The following CYB5R2 variants were observed in gnomAD, a reference collection of about 807,000 sequenced individuals.
The protein encoded by CYB5R2 is NADH-cytochrome b5 reductase 2.
In CYB5R2, 35 loss-of-function variants were observed where a neutral mutation model predicts 29.8. The ratio of observed to expected loss-of-function variants is 1.17; its 90% CI spans 0.90 to 1.56. The LOEUF is 1.56. CYB5R2 is among the 40% of genes most tolerant of loss of function. The pLI is 0.00. For synonymous variants in CYB5R2, 169 were observed against 130.6 expected (o/e 1.29, Z -2.01); for missense variants, 419 against 346.7 (o/e 1.21, Z -1.66).
Position 7,668,503 on chromosome 11 carries a change from G to C in CYB5R2, c.447C>G (p.His149Gln). Reference protein sequence around the residue: ...TSEPKKTLADHLGMIAGGTGI... With the variant: ...TSEPKKTLADQLGMIAGGTGI... The stretch of plus-strand genomic sequence containing the variant: ...CTGTGCCCCCAGCAATCATTCCCAG[G>C]TGATCGGCCAGTGTTTTTTTAGGCT... The change falls in exon 6 of 9, where the codon CAC becomes CAG. Residue 149 changes from histidine (H) to glutamine (Q), a missense_variant. Transcript: ENST00000299498. 6.2e-7 allele frequency: 1 copy of C among 1,614,086 alleles called. No homozygotes were observed. The highest frequency in any genetic ancestry group is 8.5e-7 in the Non-Finnish European group (1 of 1,179,958).
intron 7 of CYB5R2, chr11:7,667,111 A>G (rs1032958175): frequency 2.0e-5 from 3 of 152,286 alleles, no homozygotes; most frequent in African/African-American, 7.2e-5. Context: ...AAAACTCCTC[A>G]TGATTCTCAT....
chr11:7,671,154 G>A (rs1855712061), intron 3 of CYB5R2: 1 of 152,296 alleles, frequency 6.6e-6, no homozygotes, highest in South Asian at 2.1e-4. Flanking sequence ...TGGGCACCAG[G>A]GATAGCCAGG....
At chr11:7,665,720 C>T (rs2136103368) in intron 8 of CYB5R2, 174 bp from the exon 9 acceptor site, 1 of 1,173,348 alleles carries the variant, frequency 8.5e-7, no homozygotes, top group East Asian at 2.6e-5. Flanking sequence ...AAACAGCCCT[C>T]TGCAGCAATC....
rs539181818 is a variant in CYB5R2 at position 7,672,467 on chromosome 11, G to C, written c.135C>G (p.Val45=). The change falls in exon 3 of 9, where the codon GTC becomes GTG. Residue 45 remains valine, a synonymous_variant. Coordinates refer to ENST00000299498, the MANE Select transcript of CYB5R2 (RefSeq NM_016229.5). ...CCGGCTCACCTACAGGAAGCCCTAAGACATGGTCCGGCGAAGGCAGTCCAA... is the reference window on the plus strand; with the variant it reads ...CCGGCTCACCTACAGGAAGCCCTAACACATGGTCCGGCGAAGGCAGTCCAA... ...FRFGLPSPDH[V]LGLPVGNYVQ... 29 of 1,614,198 alleles carry C rather than the reference G, an allele frequency of 1.8e-5. 1 individual carries two copies. In the South Asian group the frequency reaches 3.1e-4, roughly 17 times the overall value.
chr11:7,672,570 T>G (rs779931158), intron 2 of CYB5R2, 47 bp from the exon 3 acceptor site: 1 of 1,594,410 alleles, frequency 6.3e-7, no homozygotes, highest in Non-Finnish European at 8.6e-7. Flanking sequence ...TCTAGAAGCC[T>G]TGCTGGGCAG....
At chr11:7,666,417 G>T in intron 8 of CYB5R2, 34 bp downstream of exon 8, 1 of 1,400,794 alleles carries the variant, frequency 7.1e-7, no homozygotes, top group South Asian at 1.2e-5. Flanking sequence ...GGTTGGTGCT[G>T]ACCCATGGTG....
rs375629860 is a variant in CYB5R2 at position 7,669,608 on chromosome 11, T to A, written c.258+17A>T. ...CTTGGAAGCACGAGCTAGCCAGATA[T>A]GGTGGGCACTATTTACCTTTATAAT... On this transcript the variant is annotated intron_variant, in intron 4 of 8. Transcript: ENST00000299498. 1.3e-6 allele frequency: 2 copies of A among 1,554,978 alleles called. No individual in the cohort carries two copies. Among genetic ancestry groups the A allele is most frequent in the African/African-American group, 2.7e-5 (2 of 72,774 alleles).
rs747790057 is a variant in CYB5R2 at position 7,667,760 on chromosome 11, T to TGTCA, written c.522_525dup (p.Arg176Ter). 6.2e-7 allele frequency: 1 copy of TGTCA among 1,614,240 alleles called. No individual in the cohort carries two copies. The highest frequency in any genetic ancestry group is 1.1e-5 in the South Asian group (1 of 91,088). ...GCAAAGATGAGGGACATCCTGGTCC[T>TGTCA]GTCACTGGGGTCCTTGGTGATGTGG... On this transcript the variant is annotated stop_gained and frameshift_variant, in exon 7 of 9. Coordinates refer to ENST00000299498, the MANE Select transcript of CYB5R2 (RefSeq NM_016229.5). LOFTEE classifies it high-confidence loss of function.
At chr11:7,668,705 G>A (rs1438536384) in intron 5 of CYB5R2, 144 bp from the exon 6 acceptor site, 2 of 729,908 alleles carry the variant, frequency 2.7e-6, no homozygotes, top group Non-Finnish European at 4.9e-6. Context: ...AGCAGGCCAG[G>A]GCAGTCTCCT....
At chr11:7,672,110 A>G (rs778692911) in intron 3 of CYB5R2, 7 of 258,380 alleles carry the variant, frequency 2.7e-5, no homozygotes, top group Non-Finnish European at 4.4e-5. Flanking sequence ...AGGCCTGGGA[A>G]ATCCCATTTC....
chr11:7,670,614 G>T (rs1394803126), intron 3 of CYB5R2: 1 of 152,190 alleles, frequency 6.6e-6, no homozygotes, highest in Non-Finnish European at 1.5e-5. Context: ...GAGTAGCAGT[G>T]AAGTTTTTAA....
At chr11:7,673,957 G>T, upstream of CYB5R2, 1 of 1,006,824 alleles carries the variant, frequency 9.9e-7, no homozygotes, top group Non-Finnish European at 1.2e-6. Context: ...CTCACGAGCC[G>T]CTGGCTCTGG....
At position 7,665,395 on chromosome 11, in the gene CYB5R2, C is replaced by A. The variant is rs771844068; in HGVS notation, c.810G>T (p.Gln270His). 1.3e-6 allele frequency: 2 copies of A among 1,588,792 alleles called. No homozygotes were observed. The highest frequency in any genetic ancestry group is 2.3e-5 in the South Asian group (2 of 86,538). ...GGTGTTAGTAGGTGAAAATCATGTC[C>A]TGGGTATAACCCAGCTTCTCCAGGT... ...HPNLEKLGYT[Q>H]DMIFTY The change falls in exon 9 of 9, where the codon CAG (glutamine) becomes CAT (histidine). Residue 270 changes from glutamine (Q) to histidine (H), a missense_variant. Gln to His is a conservative substitution (Grantham distance 24, BLOSUM62 0). Transcript: ENST00000299498.
At chr11:7,669,759 C>A in intron 3 of CYB5R2, 28 bp from the exon 4 acceptor site, 1 of 1,528,054 alleles carries the variant, frequency 6.5e-7, no homozygotes, top group South Asian at 1.1e-5. Context: ...AGCACTGAGT[C>A]AAAGCATATT....
chr11:7,668,722 G>T, intron 5 of CYB5R2, 161 bp from the exon 6 acceptor site: 2 of 674,728 alleles, frequency 3.0e-6, no homozygotes, highest in Non-Finnish European at 5.3e-6. Context: ...TCCTCAGCTA[G>T]CCCTGGTGCT....
chr11:7,669,814 G>C lies in CYB5R2; in HGVS notation c.152-83C>G, dbSNP rs572461673. 3.9e-5 allele frequency: 39 copies of C among 997,600 alleles called. No individual in the cohort carries two copies. In the East Asian group the frequency reaches 8.9e-4, roughly 23 times the overall value. 61.8% of individuals were successfully genotyped at this position (997,600 alleles called of 1,614,324 possible). A position where few individuals can be genotyped will look rare whatever the true frequency, so the allele number is the denominator to read the frequency against. On this transcript the variant is annotated intron_variant, in intron 3 of 8. Coordinates refer to ENST00000299498, the MANE Select transcript of CYB5R2 (RefSeq NM_016229.5). ...GAATAAAGGACTGAGCTTCAGTGAAGGGAGCAAATACTGGGGGCACAATGT... is the reference window on the plus strand; with the variant it reads ...GAATAAAGGACTGAGCTTCAGTGAACGGAGCAAATACTGGGGGCACAATGT...
chr11:7,665,380 G>A lies in CYB5R2; in HGVS notation c.825C>T (p.Thr275=). The A allele has an allele frequency of 1.3e-6, 2 of 1,562,338 alleles. No homozygotes were observed. The highest frequency in any genetic ancestry group is 1.7e-6 in the Non-Finnish European group (2 of 1,156,372). ...TGCTGAGCACGTGGAGGTGTTAGTAGGTGAAAATCATGTCCTGGGTATAAC... is the reference window on the plus strand; with the variant it reads ...TGCTGAGCACGTGGAGGTGTTAGTAAGTGAAAATCATGTCCTGGGTATAAC... ...KLGYTQDMIF[T]Y The change falls in exon 9 of 9, where the codon ACC becomes ACT. Residue 275 remains threonine, a synonymous_variant. Transcript: ENST00000299498.
intron 7 of CYB5R2, chr11:7,667,473 G>T: frequency 2.7e-6 from 1 of 364,106 alleles, no homozygotes; most frequent in Non-Finnish European, 4.9e-6. Context: ...CAAAAATACA[G>T]CAGTACATCT....
upstream of CYB5R2, chr11:7,674,125 G>A (rs1470132449): frequency 6.6e-6 from 8 of 1,214,476 alleles, no homozygotes; most frequent in African/African-American, 1.1e-4. Context: ...AGCTCGGCAA[G>A]GCTGGAGAAG....
Sources: allele counts gnomAD v4.1 joint callset, GRCh38; gene constraint gnomAD v4.1.1; transcripts MANE v1.5; gene names NCBI Gene and HGNC (gene_info 2026-07-23, HGNC 2026-07-21).